Variants in OCA2 observed in about 807,000 individuals in gnomAD.
OCA2 encodes the protein OCA2 melanosomal transmembrane protein.
A neutral mutation model predicts 100.2 loss-of-function variants in OCA2; 77 were observed. The ratio of observed to expected loss-of-function variants is 0.77; its 90% CI spans 0.64 to 0.93. The LOEUF is 0.93. Ranked by LOEUF, OCA2 falls within the 40% of genes least tolerant of loss-of-function variation. The probability of loss-of-function intolerance (pLI) is 0.00; values close to 1 mark genes in which losing one functional copy is unlikely to be tolerated. For missense variants in OCA2, 1,062 were observed against 1,089.1 expected (o/e 0.98, Z 0.35); for synonymous variants, 432 against 439.2 (o/e 0.98, Z 0.21).
intron 2 of OCA2, among the ~76,000 whole-genome samples, chr15:28,060,013 G>A (rs772651195): frequency 6.6e-6 from 1 of 152,332 alleles, no homozygotes; most frequent in East Asian, 1.9e-4. Flanking sequence ...GGCTGTGGGC[G>A]AGCACACGCC....
intron 19 of OCA2, among the ~76,000 whole-genome samples, chr15:27,882,329 CT>C (rs1341133785): frequency 3.3e-5 from 5 of 152,188 alleles, no homozygotes; most frequent in Non-Finnish European, 7.3e-5. Flanking sequence ...GTCATAGTCA[CT>C]CCACTACTGA....
rs552413249 is a variant in OCA2 at position 27,992,748 on chromosome 15, C to T, written c.1045-2101G>A. ...AGCCTGCTCCAAGCCAGCCCTGTGA[C>T]CTCACTCTATGACATGTTCCTTTCT... On this transcript the variant is annotated intron_variant, in intron 9 of 23. Coordinates refer to ENST00000354638, the MANE Select transcript of OCA2 (RefSeq NM_000275.3). 1.8e-3 allele frequency among the ~76,000 whole-genome samples: 269 copies of T among 152,296 alleles called. 2 individuals carry two copies. Among genetic ancestry groups the T allele is most frequent in the Non-Finnish European group, 3.5e-3 (235 of 68,030 alleles).
intron 21 of OCA2, among the ~76,000 whole-genome samples, chr15:27,861,968 G>A (rs1320215440): frequency 6.6e-6 from 1 of 152,222 alleles, no homozygotes; most frequent in Non-Finnish European, 1.5e-5. Context: ...CACCCGGAAT[G>A]CAGCCAGGAT....
intron 23 of OCA2, among the ~76,000 whole-genome samples, chr15:27,784,212 A>G (rs1292174598): frequency 1.3e-5 from 2 of 152,200 alleles, no homozygotes; most frequent in Non-Finnish European, 2.9e-5. Flanking sequence ...CCTAAAAGTG[A>G]GGACGGAAAA....
chr15:27,874,362 C>T (rs1042486705), intron 19 of OCA2, among the ~76,000 whole-genome samples: 12 of 152,158 alleles, frequency 7.9e-5, no homozygotes, highest in Non-Finnish European at 1.8e-4. Flanking sequence ...GTTGTAGGCT[C>T]CACTGTTTCT....
chr15:27,793,138 CA>C (rs2033163362), intron 23 of OCA2, among the ~76,000 whole-genome samples: 1 of 152,196 alleles, frequency 6.6e-6, no homozygotes, highest in South Asian at 2.1e-4. Flanking sequence ...GTGACCAATG[CA>C]GCCACAGATC....
chr15:27,782,199 T>C (rs1307179448), intron 23 of OCA2, among the ~76,000 whole-genome samples: 1 of 152,242 alleles, frequency 6.6e-6, no homozygotes, highest in Non-Finnish European at 1.5e-5. Flanking sequence ...TAAAGCTACA[T>C]TTGTAAAGCA....
chr15:28,093,882 A>G (rs2044917269), intron 1 of OCA2, among the ~76,000 whole-genome samples: 1 of 152,152 alleles, frequency 6.6e-6, no homozygotes, highest in Admixed American at 6.5e-5. Context: ...CATTCTTGAA[A>G]CGGCAAAGTT....
intron 23 of OCA2, among the ~76,000 whole-genome samples, chr15:27,767,407 G>A (rs974788171): frequency 1.3e-5 from 2 of 152,208 alleles, no homozygotes; most frequent in East Asian, 3.9e-4. Flanking sequence ...TTCTTGGGTT[G>A]AGTGGGGACT....
chr15:27,828,800 T>A (rs2034832195), intron 23 of OCA2, among the ~76,000 whole-genome samples: 1 of 152,192 alleles, frequency 6.6e-6, no homozygotes, highest in African/African-American at 2.4e-5. Context: ...TGGGAGCTCC[T>A]GAAGGGTCAG....
intron 21 of OCA2, among the ~76,000 whole-genome samples, chr15:27,855,939 C>A (rs373348438): frequency 6.6e-6 from 1 of 152,166 alleles, no homozygotes; most frequent in Non-Finnish European, 1.5e-5. Context: ...CAAAGCACCA[C>A]GAGCTGGGTA....
chr15:27,993,005 T>C (rs2041605503), intron 9 of OCA2, among the ~76,000 whole-genome samples: 1 of 152,014 alleles, frequency 6.6e-6, no homozygotes. Flanking sequence ...ACACCTATAG[T>C]CCCAGTGACT....
At chr15:28,081,574 T>TG in intron 2 of OCA2, 74 bp downstream of exon 2, 2 of 1,430,912 alleles carry the variant, frequency 1.4e-6, no homozygotes, top group Non-Finnish European at 1.9e-6. Flanking sequence ...ACAACAAACG[T>TG]GGGGGAACGA....
intron 13 of OCA2, among the ~76,000 whole-genome samples, chr15:27,983,880 C>A (rs1303478575): frequency 2.6e-5 from 4 of 151,904 alleles, no homozygotes; most frequent in African/African-American, 4.8e-5. Context: ...CCTTTCCCAC[C>A]TCCCCCTTCC....
intron 23 of OCA2, among the ~76,000 whole-genome samples, chr15:27,837,000 A>G (rs2035178108): frequency 6.6e-6 from 1 of 152,218 alleles, no homozygotes; most frequent in Admixed American, 6.5e-5. Flanking sequence ...ATGTGTCTCT[A>G]TGTTTAAAGA....
At chr15:27,801,017 A>T (rs949706723) in intron 23 of OCA2, among the ~76,000 whole-genome samples, 3 of 152,040 alleles carry the variant, frequency 2.0e-5, no homozygotes, top group African/African-American at 7.2e-5. Context: ...CACAAGGAAA[A>T]CCCCAGACCT....
chr15:28,029,261 C>T (rs1218765320), intron 3 of OCA2, among the ~76,000 whole-genome samples: 1 of 152,128 alleles, frequency 6.6e-6, no homozygotes, highest in Non-Finnish European at 1.5e-5. Flanking sequence ...GCCAATTAGG[C>T]TGTGTATAAC....
chr15:28,027,954 C>T lies in OCA2; in HGVS notation c.432G>A (p.Val144=). Residue 144 remains valine (V), a synonymous_variant, in exon 4 of 24, where the codon GTG becomes GTA. Coordinates refer to ENST00000354638, the MANE Select transcript of OCA2 (RefSeq NM_000275.3). ...WERRYLLSRE[V]SGLSASASSE... ...AGGAGGCAGATGCAGACAGACCAGA[C>T]ACCTCCCTGCTTAGCAGGTATCTTC... is the stretch of plus-strand genomic sequence containing the variant. The T allele has an allele frequency of 6.2e-7, 1 of 1,614,190 alleles. No homozygotes were observed. Among genetic ancestry groups the T allele is most frequent in the South Asian group, 1.1e-5 (1 of 91,072 alleles).
chr15:27,722,624 C>T, the OCA2 span, among the ~76,000 whole-genome samples: 1 of 106,642 alleles, frequency 9.4e-6, no homozygotes, highest in Non-Finnish European at 2.1e-5. Flanking sequence ...TTCCTTCCTC[C>T]CTTCCTTCCT....
Sources: allele counts gnomAD v4.1 joint callset (sites outside exome capture counted in the v4.1 genomes callset), GRCh38; gene constraint gnomAD v4.1.1; transcripts MANE v1.5; gene names NCBI Gene and HGNC (gene_info 2026-07-23, HGNC 2026-07-21).